The following VAV3 variants were observed in gnomAD, a reference collection of about 807,000 sequenced individuals.
The protein encoded by VAV3 is guanine nucleotide exchange factor VAV3.
In VAV3, 94 loss-of-function variants were observed where a neutral mutation model predicts 131.2. The observed-to-expected ratio is 0.72, with a 90% CI of 0.61 to 0.85. The LOEUF is 0.85. VAV3 is among the 40% of genes least tolerant of loss of function. VAV3 has a pLI of 0.00. For missense variants in VAV3, 939 were observed against 1,002.7 expected, an observed-to-expected ratio of 0.94 and a Z score of 0.86; for synonymous variants, 349 against 342.0, an observed-to-expected ratio of 1.02 and a Z score of -0.22.
chr1:107,822,423 G>C (rs765457738), intron 2 of VAV3, among the ~76,000 whole-genome samples: 1 of 152,238 alleles, frequency 6.6e-6, no homozygotes, highest in South Asian at 2.1e-4. Flanking sequence ...GGGAGGCCAA[G>C]GCAGGCGGAT....
chr1:107,580,856 T>C (rs937807655), intron 25 of VAV3, among the ~76,000 whole-genome samples: 1 of 152,216 alleles, frequency 6.6e-6, no homozygotes, highest in African/African-American at 2.4e-5. Context: ...ATACTGATAA[T>C]ATATCCACTT....
intron 24 of VAV3, 57 bp downstream of exon 24, chr1:107,602,340 C>G (rs558440664): frequency 1.6e-6 from 2 of 1,270,322 alleles, no homozygotes; most frequent in Admixed American, 2.6e-5. Flanking sequence ...TTAAAATGAC[C>G]TTTCTAACAA....
At chr1:107,833,043 G>A (rs79337747) in intron 2 of VAV3, among the ~76,000 whole-genome samples, 3,096 of 152,206 alleles carry the variant, frequency 0.02, 54 homozygotes, top group Middle Eastern at 0.044. Context: ...AAATCATAAA[G>A]ATAAAATAAT....
intron 1 of VAV3, among the ~76,000 whole-genome samples, chr1:107,956,010 C>T (rs144528878): frequency 7.5e-4 from 114 of 152,360 alleles, no homozygotes; most frequent in African/African-American, 2.6e-3. Context: ...CAACGGCATA[C>T]ATGCATGCAA....
chr1:107,682,957 T>C (rs569079307), intron 19 of VAV3, among the ~76,000 whole-genome samples: 2 of 152,282 alleles, frequency 1.3e-5, no homozygotes, highest in African/African-American at 4.8e-5. Context: ...CAATGCTAAA[T>C]AGAAAACAAC....
chr1:107,625,623 G>A (rs1653957585), intron 20 of VAV3, among the ~76,000 whole-genome samples: 1 of 152,178 alleles, frequency 6.6e-6, no homozygotes, highest in African/African-American at 2.4e-5. Context: ...CAGCTTCTTA[G>A]TGACGTTTTT....
intron 1 of VAV3, among the ~76,000 whole-genome samples, chr1:107,886,247 T>C (rs1293130806): frequency 6.6e-6 from 1 of 152,190 alleles, no homozygotes; most frequent in East Asian, 1.9e-4. Context: ...AGTATCTCAG[T>C]TTATACACAT....
intron 25 of VAV3, among the ~76,000 whole-genome samples, chr1:107,595,325 G>A (rs1651285566): frequency 6.6e-6 from 1 of 152,078 alleles, no homozygotes; most frequent in Admixed American, 6.6e-5. Flanking sequence ...GAAACCCAGA[G>A]CATTACCTGT....
chr1:107,687,794 A>C (rs1420716088), intron 18 of VAV3, among the ~76,000 whole-genome samples: 1 of 152,142 alleles, frequency 6.6e-6, no homozygotes, highest in Admixed American at 6.5e-5. Context: ...TTTTTAAATA[A>C]CTTTTTTTTG....
intron 4 of VAV3, among the ~76,000 whole-genome samples, chr1:107,775,671 T>A (rs1236131088): frequency 6.6e-6 from 1 of 151,640 alleles, no homozygotes; most frequent in African/African-American, 2.4e-5. Flanking sequence ...ACCAATAATC[T>A]TAGTCACTTT....
chr1:107,576,717 G>A (rs1420473846), intron 25 of VAV3, among the ~76,000 whole-genome samples: 1 of 152,096 alleles, frequency 6.6e-6, no homozygotes, highest in African/African-American at 2.4e-5. Flanking sequence ...ATCCAAGGAT[G>A]GCCAACAATG....
intron 19 of VAV3, among the ~76,000 whole-genome samples, chr1:107,683,281 G>A (rs1196727000): frequency 6.6e-6 from 1 of 152,202 alleles, no homozygotes; most frequent in Non-Finnish European, 1.5e-5. Context: ...ACTGCTGACT[G>A]TGGAAAGAGT....
chr1:107,751,311 T>G, intron 12 of VAV3, 109 bp from the exon 13 acceptor site: 1 of 862,682 alleles, frequency 1.2e-6, no homozygotes, highest in Non-Finnish European at 1.8e-6. Flanking sequence ...ATTAAAATGT[T>G]ACCATTTTTT....
At chr1:107,615,416 G>T (rs1441125867) in intron 21 of VAV3, among the ~76,000 whole-genome samples, 2 of 152,114 alleles carry the variant, frequency 1.3e-5, no homozygotes, top group African/African-American at 2.4e-5. Context: ...GACTGAAGGT[G>T]AACCCCTTCC....
Position 107,610,038 on chromosome 1 carries a change from TTCAGCTGACTCAGC to T in VAV3, c.1981-87_1981-74del. ...TTTTAGAAATCAATCATTAATTCAG[TTCAGCTGACTCAGC>T]TCTATAAAACCCTAAGTGGCACAGT... On this transcript the variant is annotated intron_variant, in intron 21 of 26. Transcript: ENST00000370056. The T allele has an allele frequency of 7.0e-6, 10 of 1,431,110 alleles. No homozygotes were observed. The South Asian group carries it at 1.0e-4, about 15-fold the overall frequency. 88.7% of individuals were successfully genotyped at this position (1,431,110 alleles called of 1,614,324 possible). A position where few individuals can be genotyped will look rare whatever the true frequency, so the allele number is the denominator to read the frequency against.
At chr1:107,898,792 C>A (rs1488057866) in intron 1 of VAV3, among the ~76,000 whole-genome samples, 1 of 152,096 alleles carries the variant, frequency 6.6e-6, no homozygotes, top group Non-Finnish European at 1.5e-5. Flanking sequence ...ATATACTATA[C>A]ATGAACATAA....
intron 2 of VAV3, among the ~76,000 whole-genome samples, chr1:107,874,230 G>T (rs1036985251): frequency 6.6e-6 from 1 of 152,090 alleles, no homozygotes; most frequent in Non-Finnish European, 1.5e-5. Flanking sequence ...CATAATAAAT[G>T]ACCATAATTT....
intron 1 of VAV3, among the ~76,000 whole-genome samples, chr1:107,929,830 A>G (rs900945499): frequency 5.3e-5 from 8 of 152,206 alleles, no homozygotes; most frequent in Non-Finnish European, 1.0e-4. Context: ...TGTGGTACTT[A>G]TACACAACAG....
intron 25 of VAV3, among the ~76,000 whole-genome samples, chr1:107,578,024 C>T (rs977544853): frequency 1.3e-5 from 2 of 152,142 alleles, no homozygotes; most frequent in Non-Finnish European, 2.9e-5. Context: ...CCACAGAATT[C>T]TTCCAAAGTT....
Sources: allele counts gnomAD v4.1 joint callset (sites outside exome capture counted in the v4.1 genomes callset), GRCh38; gene constraint gnomAD v4.1.1; transcripts MANE v1.5; gene names NCBI Gene and HGNC (gene_info 2026-07-23, HGNC 2026-07-21).